The following HEMK2 variants were observed in gnomAD, a reference collection of about 807,000 sequenced individuals.
The protein encoded by HEMK2 is methyltransferase HEMK2.
At chr21:28,714,853 C>T in the HEMK2 span, among the ~76,000 whole-genome samples, 4 of 152,104 alleles carry the variant, frequency 2.6e-5, no homozygotes, top group African/African-American at 9.7e-5. Flanking sequence ...CATGAGTACC[C>T]AGTGTTTAGC....
At chr21:28,620,961 G>A in the HEMK2 span, among the ~76,000 whole-genome samples, 5 of 151,888 alleles carry the variant, frequency 3.3e-5, no homozygotes, top group East Asian at 1.9e-4. Context: ...ATGAGCCACC[G>A]CACCTGGCCC....
the HEMK2 span, among the ~76,000 whole-genome samples, chr21:28,599,939 G>A: frequency 6.6e-6 from 1 of 152,184 alleles, no homozygotes; most frequent in African/African-American, 2.4e-5. Context: ...CTCACATCTA[G>A]GTCATGCTGA....
chr21:28,867,840 A>T, the HEMK2 span, among the ~76,000 whole-genome samples: 1 of 152,150 alleles, frequency 6.6e-6, no homozygotes, highest in African/African-American at 2.4e-5. Context: ...AGGGTCTGTG[A>T]TTCTTTTTTA....
chr21:28,695,598 A>G, the HEMK2 span, among the ~76,000 whole-genome samples: 1 of 152,236 alleles, frequency 6.6e-6, no homozygotes, highest in African/African-American at 2.4e-5. Context: ...CTACCATGAG[A>G]ACCGCCCCCA....
At chr21:28,639,784 T>C in the HEMK2 span, among the ~76,000 whole-genome samples, 1 of 152,238 alleles carries the variant, frequency 6.6e-6, no homozygotes, top group Non-Finnish European at 1.5e-5. Context: ...GGAACCCTGA[T>C]TAAGAAAATC....
At chr21:28,816,743 A>G in the HEMK2 span, among the ~76,000 whole-genome samples, 1 of 152,238 alleles carries the variant, frequency 6.6e-6, no homozygotes, top group South Asian at 2.1e-4. Flanking sequence ...GTGAGCTGGG[A>G]GATCAAGCTA....
chr21:28,762,626 C>T, the HEMK2 span, among the ~76,000 whole-genome samples: 1 of 152,108 alleles, frequency 6.6e-6, no homozygotes. Context: ...AATCTCTTTG[C>T]CCTCATGAAA....
At chr21:28,644,750 A>G in the HEMK2 span, among the ~76,000 whole-genome samples, 1 of 152,180 alleles carries the variant, frequency 6.6e-6, no homozygotes, top group Admixed American at 6.5e-5. Flanking sequence ...TCTAATAACT[A>G]TTTCATAATA....
chr21:28,805,418 G>A, the HEMK2 span, among the ~76,000 whole-genome samples: 1 of 152,180 alleles, frequency 6.6e-6, no homozygotes, highest in South Asian at 2.1e-4. Flanking sequence ...ACAAACTAAT[G>A]AGAATCACAT....
the HEMK2 span, among the ~76,000 whole-genome samples, chr21:28,616,835 A>G: frequency 6.6e-6 from 1 of 152,200 alleles, no homozygotes; most frequent in Non-Finnish European, 1.5e-5. Context: ...CACATCACTC[A>G]GGATTGGATC....
At chr21:28,783,055 A>T in the HEMK2 span, among the ~76,000 whole-genome samples, 1 of 152,210 alleles carries the variant, frequency 6.6e-6, no homozygotes, top group Non-Finnish European at 1.5e-5. Context: ...TGGGAACAGA[A>T]GTATTTTGGA....
the HEMK2 span, among the ~76,000 whole-genome samples, chr21:28,639,299 C>A: frequency 6.6e-6 from 1 of 152,178 alleles, no homozygotes; most frequent in Admixed American, 6.5e-5. Flanking sequence ...ATCTTAACAA[C>A]ATACCAATGG....
At chr21:28,843,816 T>C in the HEMK2 span, among the ~76,000 whole-genome samples, 1 of 152,130 alleles carries the variant, frequency 6.6e-6, no homozygotes, top group African/African-American at 2.4e-5. Context: ...CCTTTGCCAA[T>C]TTCTCTGAAG....
At chr21:28,671,117 C>A in the HEMK2 span, 2 of 152,194 alleles carry the variant, frequency 1.3e-5, no homozygotes, top group African/African-American at 4.8e-5. Context: ...CAAGGAGGGG[C>A]AAGAGCCTTC....
At chr21:28,590,249 T>C in the HEMK2 span, among the ~76,000 whole-genome samples, 70 of 152,332 alleles carry the variant, frequency 4.6e-4, no homozygotes, top group African/African-American at 1.7e-3. Context: ...TATGTTTATC[T>C]GTAGCACACA....
the HEMK2 span, among the ~76,000 whole-genome samples, chr21:28,592,104 T>C: frequency 1.3e-5 from 2 of 152,206 alleles, no homozygotes; most frequent in Non-Finnish European, 2.9e-5. Flanking sequence ...GTTCTGTTTT[T>C]AGGTCTTTGA....
At chr21:28,870,116 T>G in the HEMK2 span, among the ~76,000 whole-genome samples, 1 of 152,214 alleles carries the variant, frequency 6.6e-6, no homozygotes, top group Admixed American at 6.5e-5. Context: ...TAAAAGACTT[T>G]TCAAATATAT....
chr21:28,706,655 C>A, the HEMK2 span, among the ~76,000 whole-genome samples: 1 of 152,176 alleles, frequency 6.6e-6, no homozygotes, highest in Non-Finnish European at 1.5e-5. Context: ...TTGCAGTTTT[C>A]TTTTCCCTTC....
At chr21:28,810,362 T>C in the HEMK2 span, among the ~76,000 whole-genome samples, 35 of 152,128 alleles carry the variant, frequency 2.3e-4, no homozygotes, top group Non-Finnish European at 4.6e-4. Context: ...GCAACAGTCA[T>C]GGAAGCTTTC....
Sources: allele counts gnomAD v4.1 joint callset (sites outside exome capture counted in the v4.1 genomes callset), GRCh38; gene constraint gnomAD v4.1.1; transcripts MANE v1.5; gene names NCBI Gene and HGNC (gene_info 2026-07-23, HGNC 2026-07-21).